Variants in RERGL observed in about 807,000 individuals in gnomAD.
RERGL encodes the protein ras-related and estrogen-regulated growth inhibitor-like protein.
RERGL carries 22 observed loss-of-function variants against 24.7 expected under a neutral mutation model. The observed-to-expected ratio is 0.89, with a 90% confidence interval of 0.64 to 1.27. The LOEUF (loss-of-function observed/expected upper bound fraction) is 1.27, where lower values mean the gene tolerates loss of function less well. RERGL is among the 50% of genes most tolerant of loss of function. The probability of loss-of-function intolerance (pLI) is 0.00; values close to 1 mark genes in which losing one functional copy is unlikely to be tolerated. For missense variants in RERGL, 259 were observed against 235.3 expected, an observed-to-expected ratio of 1.10 and a Z score of -0.66; for synonymous variants, 76 against 82.6, an observed-to-expected ratio of 0.92 and a Z score of 0.43.
Position 18,085,694 on chromosome 12 carries a change from C to G in RERGL, c.110-1G>C, listed in dbSNP as rs202151617. 1.8e-4 allele frequency: 284 copies of G among 1,573,598 alleles called. 2 individuals are homozygous for G. The highest frequency in any genetic ancestry group is 2.3e-4 in the Admixed American group (13 of 57,488). On this transcript the variant is annotated splice_acceptor_variant, in intron 2 of 4. Coordinates refer to ENST00000538724, the MANE Select transcript of RERGL (RefSeq NM_001286201.2). LOFTEE classifies it high-confidence loss of function. ...CACAAGTGCTTCTTATAGATAGATTCTGCAAAAATATGCATATCCACTGTC... is the reference window on the plus strand; with the variant it reads ...CACAAGTGCTTCTTATAGATAGATTGTGCAAAAATATGCATATCCACTGTC...
rs1488409868 is a variant in RERGL, at chr12:18,080,968, T to A, written c.*223A>T. Reference sequence around the variant, plus strand: ...GTAGGTTAGGGTGAGTGTGATGTTGTACAATAAATGAAAGGTTCTGTGTGA... The same window carrying A: ...GTAGGTTAGGGTGAGTGTGATGTTGAACAATAAATGAAAGGTTCTGTGTGA... On this transcript the variant is annotated 3_prime_UTR_variant, in exon 5 of 5. Transcript: ENST00000538724. 2.5e-6 allele frequency: 1 copy of A among 404,170 alleles called. No individual in the cohort carries two copies. The highest frequency in any genetic ancestry group is 4.4e-6 in the Non-Finnish European group (1 of 224,900). 25.0% of individuals were successfully genotyped at this position (404,170 alleles called of 1,614,324 possible). A position where few individuals can be genotyped will look rare whatever the true frequency, so the allele number is the denominator to read the frequency against.
rs377290610 is a variant in RERGL at position 18,083,274 on chromosome 12, G to A, written c.332+1243C>T. Among the ~76,000 whole-genome samples the A allele has an allele frequency of 9.5e-4, 144 of 152,088 alleles. 2 individuals carry two copies. Among genetic ancestry groups the A allele is most frequent in the African/African-American group, 3.4e-3 (141 of 41,506 alleles). ...GATTGAGAGCTGGGAATATTCAAAG[G>A]ATTATCTAGTCAATAAACTAGAAAT... On this transcript the variant is annotated intron_variant, in intron 4 of 4. Transcript: ENST00000538724.
chr12:18,088,353 G>A (rs1470348197), intron 2 of RERGL, among the ~76,000 whole-genome samples: 1 of 151,920 alleles, frequency 6.6e-6, no homozygotes, highest in Non-Finnish European at 1.5e-5. Flanking sequence ...GAAATTTATA[G>A]AAGAGTTCGA....
intron 4 of RERGL, among the ~76,000 whole-genome samples, chr12:18,082,278 A>G (rs760083602): frequency 2.6e-5 from 4 of 152,192 alleles, no homozygotes; most frequent in Non-Finnish European, 4.4e-5. Flanking sequence ...TGAGACCTAA[A>G]TGATGAGAAC....
chr12:18,084,317 T>G (rs1425964199), intron 4 of RERGL, among the ~76,000 whole-genome samples, 200 bp downstream of exon 4: 1 of 152,208 alleles, frequency 6.6e-6, no homozygotes, highest in Non-Finnish European at 1.5e-5. Flanking sequence ...GGCAAGTAAC[T>G]GTTTATGTCA....
intron 4 of RERGL, among the ~76,000 whole-genome samples, chr12:18,082,381 G>T (rs550125579): frequency 1.5e-4 from 23 of 152,106 alleles, no homozygotes; most frequent in African/African-American, 5.5e-4. Flanking sequence ...TTAACTAACG[G>T]GTTCTAGGCT....
At chr12:18,088,211 A>G (rs1404982137) in intron 2 of RERGL, among the ~76,000 whole-genome samples, 3 of 151,982 alleles carry the variant, frequency 2.0e-5, no homozygotes, top group Non-Finnish European at 4.4e-5. Context: ...CATTTCTTCA[A>G]TTGGGTAAGA....
At chr12:18,085,779 C>G in intron 2 of RERGL, 86 bp from the exon 3 acceptor site, 1 of 695,414 alleles carries the variant, frequency 1.4e-6, no homozygotes, top group South Asian at 1.7e-5. Context: ...TTAGTGGAAT[C>G]GTATTGTGCT....
At chr12:18,084,901 C>T (rs912084889) in intron 3 of RERGL, among the ~76,000 whole-genome samples, 18 of 151,944 alleles carry the variant, frequency 1.2e-4, no homozygotes, top group African/African-American at 2.7e-4. Context: ...ATAACTTTTC[C>T]GGAAGAAAAC....
At chr12:18,086,446 A>C in intron 2 of RERGL, among the ~76,000 whole-genome samples, 1 of 152,074 alleles carries the variant, frequency 6.6e-6, no homozygotes, top group Non-Finnish European at 1.5e-5. Context: ...TCTAACTTAA[A>C]TGTATTATGA....
chr12:18,085,961 C>A (rs995723608), intron 2 of RERGL, among the ~76,000 whole-genome samples: 1 of 150,594 alleles, frequency 6.6e-6, no homozygotes, highest in East Asian at 1.9e-4. Flanking sequence ...GGGTTCACGC[C>A]GTTCTCCTGC....
intron 4 of RERGL, among the ~76,000 whole-genome samples, chr12:18,082,400 G>T (rs926782893): frequency 3.9e-5 from 6 of 152,100 alleles, no homozygotes; most frequent in Non-Finnish European, 8.8e-5. Flanking sequence ...CTTCATACCT[G>T]GGTGATGAAA....
rs759788052 is a variant in RERGL, at chr12:18,085,701, A to T, written c.110-8T>A. ...GCTTCTTATAGATAGATTCTGCAAA[A>T]ATATGCATATCCACTGTCAGTATGA... On this transcript the variant is annotated splice_region_variant and splice_polypyrimidine_tract_variant and intron_variant, in intron 2 of 4. Coordinates refer to ENST00000538724, the MANE Select transcript of RERGL (RefSeq NM_001286201.2). The T allele has an allele frequency of 1.5e-5, 23 of 1,516,250 alleles. No homozygotes were observed. Among genetic ancestry groups the T allele is most frequent in the African/African-American group, 1.1e-4 (8 of 72,438 alleles). 93.9% of individuals were successfully genotyped at this position (1,516,250 alleles called of 1,614,324 possible). A position where few individuals can be genotyped will look rare whatever the true frequency, so the allele number is the denominator to read the frequency against.
At position 18,081,175 on chromosome 12, in the gene RERGL, C is replaced by T; in HGVS notation, c.*16G>A. ...AAACTCTCTGATATAGGAAATCTCC[C>T]AGGATTACCTGTCTACTAAACAGAT... On this transcript the variant is annotated 3_prime_UTR_variant, in exon 5 of 5. Transcript: ENST00000538724. 1.3e-6 allele frequency: 2 copies of T among 1,575,092 alleles called. No individual in the cohort carries two copies. Among genetic ancestry groups the T allele is most frequent in the Non-Finnish European group, 1.7e-6 (2 of 1,154,656 alleles).
At chr12:18,090,016 G>C in intron 1 of RERGL, 73 bp downstream of exon 1, 1 of 1,068,252 alleles carries the variant, frequency 9.4e-7, no homozygotes, top group Middle Eastern at 2.1e-4. Context: ...GAAATACGTG[G>C]TTAATGGTTA....
chr12:18,084,678 C>T lies in RERGL; in HGVS notation c.184-13G>A, dbSNP rs943652145. 4.4e-6 allele frequency: 7 copies of T among 1,604,564 alleles called. No homozygotes were observed. The African/African-American group carries it at 9.4e-5, about 22-fold the overall frequency. ...TTGCTTTCTGTGTCTGAAAATAAACCAAGTGCATTAAAAGTGGTGGGATCT... is the reference window on the plus strand; with the variant it reads ...TTGCTTTCTGTGTCTGAAAATAAACTAAGTGCATTAAAAGTGGTGGGATCT... On this transcript the variant is annotated splice_polypyrimidine_tract_variant and intron_variant, in intron 3 of 4. Coordinates refer to ENST00000538724, the MANE Select transcript of RERGL (RefSeq NM_001286201.2).
chr12:18,089,029 C>CCAAAT, intron 1 of RERGL, 73 bp from the exon 2 acceptor site: 1 of 1,303,018 alleles, frequency 7.7e-7, no homozygotes, highest in Non-Finnish European at 1.1e-6. Context: ...GTGCATAAGG[C>CCAAAT]TTTAGTTCTT....
At chr12:18,088,796 G>T in intron 2 of RERGL, 104 bp downstream of exon 2, 1 of 769,812 alleles carries the variant, frequency 1.3e-6, no homozygotes, top group Non-Finnish European at 2.3e-6. Context: ...TGTTTCATAT[G>T]CATAAAAATG....
chr12:18,088,086 C>T (rs1947236866), intron 2 of RERGL, among the ~76,000 whole-genome samples: 1 of 152,078 alleles, frequency 6.6e-6, no homozygotes, highest in South Asian at 2.1e-4. Flanking sequence ...ATAAATTCCT[C>T]TTAGTCTAAA....
Sources: allele counts gnomAD v4.1 joint callset (sites outside exome capture counted in the v4.1 genomes callset), GRCh38; gene constraint gnomAD v4.1.1; transcripts MANE v1.5; gene names NCBI Gene and HGNC (gene_info 2026-07-23, HGNC 2026-07-21).